BYSL: variants seen among roughly 807,000 people sequenced by gnomAD.
The protein encoded by BYSL is bystin.
In BYSL, 21 loss-of-function variants were observed where a neutral mutation model predicts 45.4. The ratio of observed to expected loss-of-function variants is 0.46; its 90% CI spans 0.33 to 0.67. The LOEUF (loss-of-function observed/expected upper bound fraction) is 0.67, where lower values mean the gene tolerates loss of function less well. Among genes scored for constraint, BYSL ranks in the 30% least tolerant of loss-of-function variants. BYSL has a pLI of 0.02. For synonymous variants in BYSL, 215 were observed against 231.3 expected (o/e 0.93, Z 0.64); for missense variants, 522 against 578.5 (o/e 0.90, Z 1.00).
upstream of BYSL, chr6:41,916,694 T>G (rs1775323079): frequency 6.6e-7 from 1 of 1,508,062 alleles, no homozygotes; most frequent in Admixed American, 1.8e-5. Flanking sequence ...GAATACCACC[T>G]TTAGCAGAAA....
At chr6:41,909,424 T>A in the BYSL span, 1 of 1,614,118 alleles carries the variant, frequency 6.2e-7, no homozygotes, top group Non-Finnish European at 8.5e-7. Flanking sequence ...ACATCAAAGT[T>A]GGTGTCAGCA....
rs539069247 is a variant in BYSL, at chr6:41,921,938, C to A, written c.268+108C>A. 2.4e-4 allele frequency: 331 copies of A among 1,407,796 alleles called. 1 individual carries two copies. The highest frequency in any genetic ancestry group is 1.2e-5 in the Non-Finnish European group (13 of 1,065,678). The allele number at this position is 1,407,796 out of a possible 1,614,324, so 87.2% of individuals were successfully genotyped here. On this transcript the variant is annotated intron_variant, in intron 1 of 6. Transcript: ENST00000230340. ...ATTGCTTCGAGTCAACAAAGGGGTC[C>A]GTATTACACTTGCAAAGGAGACTGA... is the stretch of plus-strand genomic sequence containing the variant.
intron 1 of BYSL, among the ~76,000 whole-genome samples, chr6:41,922,802 A>G (rs184987637): frequency 1.1e-4 from 16 of 152,334 alleles, no homozygotes; most frequent in Admixed American, 9.8e-4. Context: ...AGACAGCTCA[A>G]ATTTAACATG....
chr6:41,913,605 A>C, the BYSL span, among the ~76,000 whole-genome samples: 1 of 152,216 alleles, frequency 6.6e-6, no homozygotes, highest in Non-Finnish European at 1.5e-5. Flanking sequence ...ATTACTTTAA[A>C]TATTACATGA....
intron 2 of BYSL, among the ~76,000 whole-genome samples, chr6:41,929,764 C>T (rs1775611374): frequency 6.6e-6 from 1 of 152,200 alleles, no homozygotes; most frequent in African/African-American, 2.4e-5. Context: ...CCGTTATTAT[C>T]CCTATTTTAC....
rs1328009501 is a variant in BYSL at position 41,932,544 on chromosome 6, T to G, written c.1152T>G (p.Thr384=). ...TGCTGTGGCACCAGTGCCTCCTGAC[T>G]TTGGTCCAGCGCTACAAGGCCGACT... ...LPVLWHQCLL[T]LVQRYKADLA... is the part of the protein sequence containing the mutation. The change falls in exon 7 of 7, where the codon ACT becomes ACG. Residue 384 remains threonine (T), a synonymous_variant. Transcript: ENST00000230340. This position sits in a 1 kb window ranked among gnomAD's most constrained non-coding sequence, Gnocchi z 4.7. 1 of 1,614,220 alleles carries G rather than the reference T, an allele frequency of 6.2e-7. No homozygotes were observed. Among genetic ancestry groups the G allele is most frequent in the East Asian group, 2.2e-5 (1 of 44,882 alleles).
chr6:41,927,594 G>T (rs1358583154), intron 2 of BYSL, 58 bp downstream of exon 2: 2 of 1,591,400 alleles, frequency 1.3e-6, no homozygotes, highest in Non-Finnish European at 1.7e-6. Context: ...AGGAAAACAA[G>T]TTCCCTGGCA....
chr6:41,932,717 C>T lies in BYSL; in HGVS notation c.*11C>T. The T allele has an allele frequency of 1.9e-6, 3 of 1,597,284 alleles. No homozygotes were observed. Among genetic ancestry groups the T allele is most frequent in the Non-Finnish European group, 2.6e-6 (3 of 1,169,096 alleles). On this transcript the variant is annotated 3_prime_UTR_variant, in exon 7 of 7. Coordinates refer to ENST00000230340, the MANE Select transcript of BYSL (RefSeq NM_004053.4). This position sits in a 1 kb window ranked among gnomAD's most constrained non-coding sequence, Gnocchi z 4.7. ...ATCACCGTGGAGTGAGGAAAACAGT[C>T]AGCTGTCCTGGCCAAAGGGGTTTGG...
At chr6:41,927,733 T>C (rs1465061945) in intron 2 of BYSL, 197 bp downstream of exon 2, 2 of 589,550 alleles carry the variant, frequency 3.4e-6, no homozygotes, top group Non-Finnish European at 5.8e-6. Flanking sequence ...AAACATTGTG[T>C]CCTTATGTCC....
At chr6:41,916,687 T>C, upstream of BYSL, 1 of 1,460,002 alleles carries the variant, frequency 6.8e-7, no homozygotes, top group Non-Finnish European at 9.4e-7. Context: ...TGTTTAAGAA[T>C]ACCACCTTTA....
rs769731322 is a variant in BYSL at position 41,921,515 on chromosome 6, T to C, written c.-48T>C. On this transcript the variant is annotated 5_prime_UTR_variant, in exon 1 of 7. Transcript: ENST00000230340. ...CCACCGCGCAAGCGCATCCTGGCCT[T>C]TCTTCAGTCCCCACGTGCGATCCTT... is the stretch of plus-strand genomic sequence containing the variant. The C allele has an allele frequency of 2.0e-6, 3 of 1,520,012 alleles. No homozygotes were observed. The Admixed American group carries it at 6.4e-5, about 33-fold the overall frequency. 94.2% of individuals were successfully genotyped at this position (1,520,012 alleles called of 1,614,324 possible).
chr6:41,915,880 T>C, the BYSL span, among the ~76,000 whole-genome samples: 3 of 152,184 alleles, frequency 2.0e-5, no homozygotes, highest in South Asian at 6.2e-4. Context: ...GTATCATAGG[T>C]GTATGCATAT....
rs368234137 is a variant in BYSL at position 41,931,491 on chromosome 6, G to T, written c.800G>T (p.Arg267Leu). ...CGAGATGACGTTGCTGAATACAAAC[G>T]ACTCAACTTCCATCTCTACATGGCT... ...RVRDDVAEYK[R>L]LNFHLYMALK... is the part of the protein sequence containing the mutation. The change falls in exon 5 of 7, where the codon CGA (arginine) becomes CTA (leucine). Residue 267 changes from arginine to leucine, a missense_variant. By Grantham distance (102) the Arg-to-Leu change is moderately radical (BLOSUM62 -2). Coordinates refer to ENST00000230340, the MANE Select transcript of BYSL (RefSeq NM_004053.4). 5 of 1,613,970 alleles carry T rather than the reference G, an allele frequency of 3.1e-6. No individual in the cohort carries two copies. The African/African-American group carries it at 6.7e-5, about 22-fold the overall frequency.
chr6:41,930,166 A>C lies in BYSL; in HGVS notation c.466A>C (p.Thr156Pro). Residue 156 changes from threonine to proline, a missense_variant, in exon 3 of 7, where the codon ACT (threonine) becomes CCT (proline). By Grantham distance (38) the Thr-to-Pro change is conservative. Transcript: ENST00000230340. ...TLADIIMEKLTEKQTEVETVM... is the reference protein window; with the variant it reads ...TLADIIMEKLPEKQTEVETVM... ...GGCTGACATCATCATGGAGAAGCTG[A>C]CTGAGAAGCAGACAGAGGTTGAGAC... The C allele has an allele frequency of 3.1e-6, 5 of 1,614,104 alleles. No homozygotes were observed. The highest frequency in any genetic ancestry group is 4.2e-6 in the Non-Finnish European group (5 of 1,179,982).
Position 41,930,127 on chromosome 6 carries a change from C to T in BYSL, c.432-5C>T. On this transcript the variant is annotated splice_polypyrimidine_tract_variant and splice_region_variant and intron_variant, in intron 2 of 6. Coordinates refer to ENST00000230340, the MANE Select transcript of BYSL (RefSeq NM_004053.4). ...CTCCCCTCCTCTTGGCACTTCCCCT[C>T]TTAGGCGCACCCTGGCTGACATCAT... The T allele has an allele frequency of 6.2e-7, 1 of 1,614,096 alleles. No individual in the cohort carries two copies. Among genetic ancestry groups the T allele is most frequent in the Non-Finnish European group, 8.5e-7 (1 of 1,179,994 alleles).
the BYSL span, among the ~76,000 whole-genome samples, chr6:41,911,002 G>C: frequency 6.6e-6 from 1 of 151,548 alleles, no homozygotes; most frequent in Non-Finnish European, 1.5e-5. Context: ...CCAGCTACTC[G>C]GGAGGCTGAG....
upstream of BYSL, among the ~76,000 whole-genome samples, chr6:41,919,518 T>G (rs1775404931): frequency 6.6e-6 from 1 of 152,154 alleles, no homozygotes; most frequent in African/African-American, 2.4e-5. Flanking sequence ...GTGCCTTATT[T>G]TGAAATACAA....
At chr6:41,931,650 G>C in intron 5 of BYSL, 78 bp from the exon 6 acceptor site, 1 of 1,607,408 alleles carries the variant, frequency 6.2e-7, no homozygotes. Context: ...CTGTCCCTGG[G>C]CTGGGTGGGA....
At chr6:41,919,679 C>CA, upstream of BYSL, among the ~76,000 whole-genome samples, 1 of 152,168 alleles carries the variant, frequency 6.6e-6, no homozygotes, top group Admixed American at 6.5e-5. Context: ...TCTATAATGC[C>CA]AATACTTTGG....
Sources: allele counts gnomAD v4.1 joint callset (sites outside exome capture counted in the v4.1 genomes callset), GRCh38; gene constraint gnomAD v4.1.1; non-coding constraint Gnocchi (gnomAD v3.1); transcripts MANE v1.5; gene names NCBI Gene and HGNC (gene_info 2026-07-23, HGNC 2026-07-21).